ABCA7: variants seen among roughly 807,000 people sequenced by gnomAD.
ABCA7 encodes the protein ATP binding cassette subfamily A member 7, also known as phospholipid-transporting ATPase ABCA7.
In ABCA7, 261 loss-of-function variants were observed where a neutral mutation model predicts 227.6. The ratio of observed to expected loss-of-function variants is 1.15; its 90% CI spans 1.04 to 1.27. The LOEUF (loss-of-function observed/expected upper bound fraction) is 1.27. Ranked by LOEUF, ABCA7 falls within the 50% of genes most tolerant of loss-of-function variation. The pLI, the probability that ABCA7 is intolerant of heterozygous loss-of-function variation, is 0.00. For missense variants in ABCA7, 3,331 were observed against 2,924.5 expected, an observed-to-expected ratio of 1.14 and a Z score of -3.21; for synonymous variants, 1,488 against 1,279.7, an observed-to-expected ratio of 1.16 and a Z score of -3.47.
chr19:1,062,340 T>C, intron 42 of ABCA7, 27 bp downstream of exon 42: 1 of 1,595,908 alleles, frequency 6.3e-7, no homozygotes, highest in Non-Finnish European at 8.5e-7. Context: ...CCCACCGCTC[T>C]CACCTCCCAG....
Position 1,047,161 on chromosome 19 carries a change from GA to G in ABCA7, c.1851del (p.Asp618ThrfsTer23). ...AGCTCCCGTTGCCTCTCACAGCTGG[GA>G]GACATCCTCCCCTACAGCCACCCGG... ...AALLVLVLKL[G>X]DILPYSHPGV... On this transcript the variant is annotated frameshift_variant, in exon 15 of 47. Transcript: ENST00000263094. LOFTEE classifies it high-confidence loss of function. 1.2e-6 allele frequency: 2 copies of G among 1,601,922 alleles called. No homozygotes were observed. The highest frequency in any genetic ancestry group is 1.7e-6 in the Non-Finnish European group (2 of 1,176,314).
At position 1,043,437 on chromosome 19, in the gene ABCA7, A is replaced by C. The variant is rs761450156; in HGVS notation, c.894A>C (p.Ala298=). 1 of 1,613,278 alleles carries C rather than the reference A, an allele frequency of 6.2e-7. No homozygotes were observed. Among genetic ancestry groups the C allele is most frequent in the Non-Finnish European group, 8.5e-7 (1 of 1,180,000 alleles). The part of the protein sequence containing the change: ...KPLILGKLLF[A]PDTPFTRKLM... The stretch of plus-strand genomic sequence containing the variant: ...TGATCCTCGGGAAGCTACTCTTTGC[A>C]CCAGATACACCTTTTACCCGGAAGC... Residue 298 remains alanine (A), a synonymous_variant, in exon 9 of 47, where the codon GCA becomes GCC. Coordinates refer to ENST00000263094, the MANE Select transcript of ABCA7 (RefSeq NM_019112.4).
chr19:1,055,654 C>T (rs914789272), intron 30 of ABCA7, among the ~76,000 whole-genome samples: 3 of 151,976 alleles, frequency 2.0e-5, no homozygotes, highest in Non-Finnish European at 2.9e-5. Context: ...AGGCACGCAC[C>T]ACCACTCCCG....
chr19:1,044,099 G>A (rs1356127665), intron 10 of ABCA7, among the ~76,000 whole-genome samples: 2 of 150,134 alleles, frequency 1.3e-5, no homozygotes, highest in Non-Finnish European at 2.9e-5. Flanking sequence ...ACCACGCCCG[G>A]ATGATTTTTT....
intron 40 of ABCA7, among the ~76,000 whole-genome samples, chr19:1,060,212 TTTTTC>T (rs1288099836): frequency 1.4e-5 from 2 of 146,316 alleles, no homozygotes; most frequent in African/African-American, 5.5e-5. Flanking sequence ...TATATATTTT[TTTTTC>T]TTTTTTTTTC....
rs941811862 is a variant in ABCA7, at chr19:1,043,052, G to T, written c.591G>T (p.Leu197=). The change falls in exon 8 of 47, where the codon CTG becomes CTT. Residue 197 remains leucine (L), a synonymous_variant. Transcript: ENST00000263094. Reference sequence around the variant, plus strand: ...TAACCTCTCTCTAGCTCCTGGCGCTGCGCAGCCTGGTGGAGCTTCGGGCAC... The same window carrying T: ...TAACCTCTCTCTAGCTCCTGGCGCTTCGCAGCCTGGTGGAGCTTCGGGCAC... The part of the protein sequence containing the change: ...AEDLAQELLA[L]RSLVELRALL... The T allele has an allele frequency of 6.2e-7, 1 of 1,604,618 alleles. No homozygotes were observed. The highest frequency in any genetic ancestry group is 1.3e-5 in the African/African-American group (1 of 74,860).
Position 1,049,490 on chromosome 19 carries a change from GCCCCCCCACCACTCCCTCCCC to G in ABCA7, c.2552+54_2552+74del. The G allele has an allele frequency of 1.4e-5, 7 of 489,102 alleles. 1 individual carries two copies. Among genetic ancestry groups the G allele is most frequent in the African/African-American group, 6.0e-5 (1 of 16,608 alleles). 30.3% of individuals were successfully genotyped at this position (489,102 alleles called of 1,614,324 possible). The stretch of plus-strand genomic sequence containing the variant: ...GAGCCCCCCCACTCCCACCCCGTGA[GCCCCCCCACCACTCCCTCCCC>G]GTGAGCCCCCCACCACTCCCTCCCC... On this transcript the variant is annotated intron_variant, in intron 18 of 46. Coordinates refer to ENST00000263094, the MANE Select transcript of ABCA7 (RefSeq NM_019112.4).
At position 1,049,386 on chromosome 19, in the gene ABCA7, G is replaced by C. The variant is rs571481704; in HGVS notation, c.2501G>C (p.Gly834Ala). 1 of 1,611,000 alleles carries C rather than the reference G, an allele frequency of 6.2e-7. No individual in the cohort carries two copies. Among genetic ancestry groups the C allele is most frequent in the South Asian group, 1.1e-5 (1 of 91,028 alleles). Residue 834 changes from glycine to alanine, a missense_variant, in exon 18 of 47, where the codon GGC becomes GCC. Coordinates refer to ENST00000263094, the MANE Select transcript of ABCA7 (RefSeq NM_019112.4). Reference sequence around the variant, plus strand: ...GGGCTCAGCCTGGACTTCTACCAGGGCCACATCACCGCCTTCCTGGGCCAC... The same window carrying C: ...GGGCTCAGCCTGGACTTCTACCAGGCCCACATCACCGCCTTCCTGGGCCAC... ...LRGLSLDFYQGHITAFLGHNG... is the reference protein window; with the variant it reads ...LRGLSLDFYQAHITAFLGHNG...
intron 22 of ABCA7, 40 bp from the exon 23 acceptor site, chr19:1,052,174 G>T: frequency 6.3e-7 from 1 of 1,598,720 alleles, no homozygotes; most frequent in Non-Finnish European, 8.5e-7. Context: ...ACTCTGTTCA[G>T]CCCTGAAGGC....
At position 1,051,991 on chromosome 19, in the gene ABCA7, G is replaced by A. The variant is rs1300553566; in HGVS notation, c.3012G>A (p.Leu1004=). 1 of 1,612,216 alleles carries A rather than the reference G, an allele frequency of 6.2e-7. No individual in the cohort carries two copies. Residue 1004 remains leucine, a synonymous_variant, in exon 22 of 47, where the codon CTG becomes CTA. Transcript: ENST00000263094. The part of the protein sequence containing the change: ...STHHLDEAEL[L]GDRVAVVAGG... ...ACCACCTGGATGAGGCAGAGCTGCTGGGAGACCGTGTGGCCGTGGTGGCAG... is the reference window on the plus strand; with the variant it reads ...ACCACCTGGATGAGGCAGAGCTGCTAGGAGACCGTGTGGCCGTGGTGGCAG...
In ABCA7 at chr19:1,062,213, A is replaced by G. The variant is rs779031207; in HGVS notation, c.5612A>G (p.Tyr1871Cys). ...EPSAAHLSMG[Y>C]CPQSDAIFEL... ...AGTGCTGCGCACCTCAGCATGGGAT[A>G]CTGCCCTCAATCCGATGCCATCTTT... is the stretch of plus-strand genomic sequence containing the variant. The change falls in exon 42 of 47, where the codon TAC becomes TGC. Residue 1871 changes from tyrosine (Y) to cysteine (C), a missense_variant. By Grantham distance (194) the Tyr-to-Cys change is radical. Transcript: ENST00000263094. The G allele has an allele frequency of 1.2e-6, 2 of 1,612,358 alleles. No individual in the cohort carries two copies. Among genetic ancestry groups the G allele is most frequent in the African/African-American group, 1.3e-5 (1 of 74,888 alleles).
At chr19:1,045,377 G>A (rs995795352) in intron 12 of ABCA7, 146 bp downstream of exon 12, 4 of 866,862 alleles carry the variant, frequency 4.6e-6, no homozygotes, top group African/African-American at 3.4e-5. Context: ...CAGAGCCCGG[G>A]GCTCCTTAGA....
At position 1,054,504 on chromosome 19, in the gene ABCA7, G is replaced by T; in HGVS notation, c.3727-66G>T. 6.3e-7 allele frequency: 1 copy of T among 1,583,480 alleles called. No individual in the cohort carries two copies. Among genetic ancestry groups the T allele is most frequent in the Non-Finnish European group, 8.6e-7 (1 of 1,163,290 alleles). ...AGCCATGGGTGGTTGTAGAGCAGGA[G>T]CAGGGACAGGTGCAAGCAAGCCTGG... On this transcript the variant is annotated intron_variant, in intron 27 of 46. Transcript: ENST00000263094. This position sits in a 1 kb window ranked among gnomAD's most constrained non-coding sequence, Gnocchi z 4.8.
At chr19:1,055,841 C>T in intron 30 of ABCA7, 66 bp from the exon 31 acceptor site, 1 of 1,470,844 alleles carries the variant, frequency 6.8e-7, no homozygotes, top group Non-Finnish European at 9.2e-7. Context: ...CTGTGCTCCC[C>T]TCTCACCATC....
Position 1,056,493 on chromosome 19 carries a change from G to C in ABCA7, c.4580G>C (p.Gly1527Ala), listed in dbSNP as rs3752246. 1,340,066 of 1,612,048 alleles carry C rather than the reference G, an allele frequency of 0.83. 559,162 individuals are homozygous for C. The highest frequency in any genetic ancestry group is 0.96 in the African/African-American group (72,002 of 74,976). The change falls in exon 33 of 47, where the codon GGT (glycine) becomes GCT (alanine). Residue 1527 changes from glycine (G) to alanine (A), a missense_variant. Coordinates refer to ENST00000263094, the MANE Select transcript of ABCA7 (RefSeq NM_019112.4). This position sits in a 1 kb window ranked among gnomAD's most constrained non-coding sequence, Gnocchi z 4.3. Reference sequence around the variant, plus strand: ...CTCACCAAGGAGCAGCTGTCTGAGGGTGCACTGTGAGTCCCTCCACCCTGC... The same window carrying C: ...CTCACCAAGGAGCAGCTGTCTGAGGCTGCACTGTGAGTCCCTCCACCCTGC... Reference protein sequence around the residue: ...LNLTKEQLSEGALMASSVDVL... With the variant: ...LNLTKEQLSEAALMASSVDVL...
chr19:1,053,216 C>T, intron 23 of ABCA7, 113 bp from the exon 24 acceptor site: 2 of 1,169,928 alleles, frequency 1.7e-6, no homozygotes, highest in Non-Finnish European at 1.2e-6. Context: ...GTTCTTAACC[C>T]TGATCTCTGT....
rs775573588 is a variant in ABCA7, at chr19:1,056,924, A to G, written c.4604A>G (p.Asp1535Gly). The change falls in exon 34 of 47, where the codon GAC becomes GGC. Residue 1535 changes from aspartate to glycine, a missense_variant. Asp to Gly is a moderately conservative substitution (Grantham distance 94, BLOSUM62 -1). Transcript: ENST00000263094. This position sits in a 1 kb window ranked among gnomAD's most constrained non-coding sequence, Gnocchi z 4.3. Reference sequence around the variant, plus strand: ...ACCTCCAGGATGGCCTCCTCGGTGGACGTCCTCGTCTCCATCTGTGTGGTC... The same window carrying G: ...ACCTCCAGGATGGCCTCCTCGGTGGGCGTCCTCGTCTCCATCTGTGTGGTC... Reference protein sequence around the residue: ...SEGALMASSVDVLVSICVVFA... With the variant: ...SEGALMASSVGVLVSICVVFA... 58 of 1,613,438 alleles carry G rather than the reference A, an allele frequency of 3.6e-5. No individual in the cohort carries two copies. Among genetic ancestry groups the G allele is most frequent in the Non-Finnish European group, 4.9e-5 (58 of 1,179,666 alleles).
In ABCA7 at chr19:1,046,263, G is replaced by A. The variant is rs200677638; in HGVS notation, c.1479G>A (p.Leu493=). Residue 493 remains leucine, a synonymous_variant, in exon 13 of 47, where the codon CTG becomes CTA. Coordinates refer to ENST00000263094, the MANE Select transcript of ABCA7 (RefSeq NM_019112.4). ...FWDPGPAADP[L]TDLRYVWGGF... ...ACCCTGGCCCAGCCGCGGACCCCCT[G>A]ACCGACCTGCGCTACGTGTGGGGCG... 1 of 1,607,164 alleles carries A rather than the reference G, an allele frequency of 6.2e-7. No homozygotes were observed. The highest frequency in any genetic ancestry group is 1.3e-5 in the African/African-American group (1 of 75,038).
intron 23 of ABCA7, 29 bp downstream of exon 23, chr19:1,052,315 G>C (rs151138090): frequency 2.0e-6 from 3 of 1,531,300 alleles, no homozygotes; most frequent in Non-Finnish European, 2.6e-6. Flanking sequence ...GACCCAAGGC[G>C]GGTGGGCAGT....
Sources: gnomAD v4.1 joint callset for allele counts (sites outside exome capture counted in the v4.1 genomes callset) on GRCh38, gnomAD v4.1.1 for gene constraint, Gnocchi (gnomAD v3.1) non-coding constraint, MANE v1.5 for transcripts, NCBI Gene and HGNC (gene_info 2026-07-23, HGNC 2026-07-21) for gene names.